Variants in EIF4G3 observed in about 807,000 individuals in gnomAD.
EIF4G3 encodes eIF-4-gamma 3.
A neutral mutation model predicts 186.4 loss-of-function variants in EIF4G3; 34 were observed. That is an observed-to-expected ratio of 0.18 (90% CI 0.14 to 0.24). The LOEUF is 0.24. Among genes scored for constraint, EIF4G3 ranks in the 10% least tolerant of loss-of-function variants. EIF4G3 has a pLI of 1.00. For synonymous variants in EIF4G3, 673 were observed against 679.5 expected (o/e 0.99, Z 0.15); for missense variants, 1,536 against 1,948.5 (o/e 0.79, Z 3.99).
At chr1:21,000,292 C>A (rs2083213406) in intron 6 of EIF4G3, among the ~76,000 whole-genome samples, 2 of 151,890 alleles carry the variant, frequency 1.3e-5, no homozygotes, top group South Asian at 4.1e-4. Context: ...ACAAAGATAA[C>A]CTGAAGGAAG....
intron 4 of EIF4G3, among the ~76,000 whole-genome samples, chr1:21,048,396 A>G (rs1294545691): frequency 6.6e-6 from 1 of 152,152 alleles, no homozygotes; most frequent in Non-Finnish European, 1.5e-5. Context: ...CAGCTGACAC[A>G]ACATTAAGTT....
At chr1:21,073,809 T>G in intron 3 of EIF4G3, 1 of 317,724 alleles carries the variant, frequency 3.1e-6, no homozygotes, top group Non-Finnish European at 6.4e-6. Flanking sequence ...GGAAGAGATA[T>G]TTTTATTTTT....
At chr1:21,154,308 G>A (rs762634021) in intron 2 of EIF4G3, among the ~76,000 whole-genome samples, 2 of 152,222 alleles carry the variant, frequency 1.3e-5, no homozygotes, top group East Asian at 1.9e-4. Context: ...AGTCAAGGGC[G>A]TATTTTTTTT....
chr1:21,041,200 T>C (rs1221788005), intron 4 of EIF4G3, among the ~76,000 whole-genome samples: 1 of 152,212 alleles, frequency 6.6e-6, no homozygotes, highest in African/African-American at 2.4e-5. Context: ...CTCTCAGGGA[T>C]GTCAGCTGCT....
chr1:20,837,662 A>G (rs906573157), intron 30 of EIF4G3, among the ~76,000 whole-genome samples: 11 of 152,162 alleles, frequency 7.2e-5, no homozygotes, highest in Admixed American at 3.3e-4. Flanking sequence ...GGACAATACT[A>G]TCTTTGTAGG....
At chr1:20,963,338 A>G (rs1324079734) in intron 12 of EIF4G3, among the ~76,000 whole-genome samples, 1 of 152,002 alleles carries the variant, frequency 6.6e-6, no homozygotes, top group Non-Finnish European at 1.5e-5. Context: ...GAAAAAAATT[A>G]TCATATAAAC....
rs1198209952 is a variant in EIF4G3 at position 20,864,723 on chromosome 1, A to G, written c.2770-11T>C. On this transcript the variant is annotated splice_polypyrimidine_tract_variant and intron_variant, in intron 21 of 36. Coordinates refer to ENST00000602326, the MANE Select transcript of EIF4G3 (RefSeq NM_001391906.1). ...TGTCCTCTCCTCTGGCTGTTGTGTA[A>G]GGAGGAATAATAGCATCTTGATGAT... The G allele has an allele frequency of 1.2e-6, 2 of 1,601,296 alleles. No individual in the cohort carries two copies. Among genetic ancestry groups the G allele is most frequent in the Non-Finnish European group, 1.7e-6 (2 of 1,168,952 alleles).
At chr1:20,874,949 A>G (rs1328469374) in intron 20 of EIF4G3, among the ~76,000 whole-genome samples, 1 of 152,298 alleles carries the variant, frequency 6.6e-6, no homozygotes, top group East Asian at 1.9e-4. Context: ...GTAATCAACT[A>G]CAGTGTCAGA....
chr1:21,140,118 C>T (rs959481788), intron 2 of EIF4G3, among the ~76,000 whole-genome samples: 1 of 152,210 alleles, frequency 6.6e-6, no homozygotes, highest in Non-Finnish European at 1.5e-5. Context: ...CTCTCTGTAA[C>T]AGTATGTCAT....
chr1:20,932,401 T>C (rs991799061), intron 14 of EIF4G3, among the ~76,000 whole-genome samples: 2 of 152,154 alleles, frequency 1.3e-5, no homozygotes, highest in Non-Finnish European at 2.9e-5. Context: ...GAACTTTTCC[T>C]TTGCATTCAC....
At chr1:21,039,524 A>G (rs1466088375) in intron 4 of EIF4G3, among the ~76,000 whole-genome samples, 2 of 152,194 alleles carry the variant, frequency 1.3e-5, no homozygotes, top group African/African-American at 4.8e-5. Flanking sequence ...TGAGCGAGGC[A>G]TGGTGGCACA....
intron 12 of EIF4G3, among the ~76,000 whole-genome samples, chr1:20,961,580 CT>C (rs1177020058): frequency 1.3e-5 from 2 of 152,164 alleles, no homozygotes; most frequent in African/African-American, 4.8e-5. Flanking sequence ...CCTTACTGAT[CT>C]ACCAAACACT....
intron 12 of EIF4G3, among the ~76,000 whole-genome samples, chr1:20,965,048 A>G (rs2074306180): frequency 6.6e-6 from 1 of 152,190 alleles, no homozygotes; most frequent in African/African-American, 2.4e-5. Flanking sequence ...ATTAGGAAGT[A>G]GTAAATTTTT....
At chr1:20,939,116 TAAAAAAAA>T in intron 14 of EIF4G3, among the ~76,000 whole-genome samples, 1 of 129,712 alleles carries the variant, frequency 7.7e-6, no homozygotes, top group Non-Finnish European at 1.6e-5. Flanking sequence ...TAAAAAAAAT[TAAAAAAAA>T]AAAAAAAAAA....
chr1:20,893,623 T>G lies in EIF4G3; in HGVS notation c.2147A>C (p.Lys716Thr). The change falls in exon 18 of 37, where the codon AAA becomes ACA. Residue 716 changes from lysine (K) to threonine (T), a missense_variant. By Grantham distance (78) the Lys-to-Thr change is moderately conservative. Coordinates refer to ENST00000602326, the MANE Select transcript of EIF4G3 (RefSeq NM_001391906.1). ...DVVLDKINQP[K>T]LPMRTLDPRI... ...AGGATCCAGAGTTCGCATTGGCAATTTGGGTTGGTTGATCTGCATGAAAAA... is the reference window on the plus strand; with the variant it reads ...AGGATCCAGAGTTCGCATTGGCAATGTGGGTTGGTTGATCTGCATGAAAAA... The G allele has an allele frequency of 6.4e-7, 1 of 1,568,696 alleles. No individual in the cohort carries two copies. The highest frequency in any genetic ancestry group is 8.7e-7 in the Non-Finnish European group (1 of 1,146,366).
chr1:20,874,545 C>T (rs1357807450), intron 20 of EIF4G3, among the ~76,000 whole-genome samples: 1 of 152,034 alleles, frequency 6.6e-6, no homozygotes, highest in African/African-American at 2.4e-5. Context: ...TATGAACTGC[C>T]CATATTTTTA....
chr1:21,054,849 C>G (rs1329299390), intron 3 of EIF4G3, among the ~76,000 whole-genome samples: 2 of 152,166 alleles, frequency 1.3e-5, no homozygotes, highest in Non-Finnish European at 1.5e-5. Context: ...ACAGAACTAA[C>G]TAGAACCAAA....
At chr1:21,035,227 T>C (rs969603514) in intron 4 of EIF4G3, among the ~76,000 whole-genome samples, 3 of 152,184 alleles carry the variant, frequency 2.0e-5, no homozygotes, top group Non-Finnish European at 4.4e-5. Context: ...TGTGCAGGGC[T>C]GGCCAGGGCC....
intron 2 of EIF4G3, among the ~76,000 whole-genome samples, chr1:21,164,371 T>C (rs780334443): frequency 2.0e-5 from 3 of 152,140 alleles, no homozygotes; most frequent in Non-Finnish European, 4.4e-5. Context: ...GTTTATCCAA[T>C]AGGCCTTATT....
Sources: gnomAD v4.1 joint callset for allele counts (sites outside exome capture counted in the v4.1 genomes callset) on GRCh38, gnomAD v4.1.1 for gene constraint, MANE v1.5 for transcripts, NCBI Gene and HGNC (gene_info 2026-07-23, HGNC 2026-07-21) for gene names.